The following ARNT variants were observed in gnomAD, a reference collection of about 807,000 sequenced individuals.
The protein encoded by ARNT is aryl hydrocarbon receptor nuclear translocator, also known as class E basic helix-loop-helix protein 2.
Under a neutral mutation model 105.0 loss-of-function variants are expected in ARNT, and 30 were observed. The ratio of observed to expected loss-of-function variants is 0.29; its 90% CI spans 0.21 to 0.39. The LOEUF is 0.39. ARNT is among the 10% of genes least tolerant of loss of function. The probability of loss-of-function intolerance (pLI) is 1.00; values close to 1 mark genes in which losing one functional copy is unlikely to be tolerated. For missense variants in ARNT, 748 were observed against 978.7 expected (o/e 0.76, Z 3.15); for synonymous variants, 304 against 344.0 (o/e 0.88, Z 1.29).
intron 6 of ARNT, 183 bp downstream of exon 6, chr1:150,839,258 T>G: frequency 1.6e-6 from 1 of 621,268 alleles, no homozygotes; most frequent in South Asian, 2.0e-5. Context: ...TATTAAATAG[T>G]TTTCACAACT....
At chr1:150,816,147 A>AC (rs1279873038) in intron 19 of ARNT, 112 bp downstream of exon 19, 1 of 1,333,646 alleles carries the variant, frequency 7.5e-7, no homozygotes, top group Non-Finnish European at 1.0e-6. Flanking sequence ...AAACCGGAGA[A>AC]CAGGGGTTGG....
At chr1:150,859,597 T>C (rs1452408012) in intron 1 of ARNT, among the ~76,000 whole-genome samples, 1 of 151,392 alleles carries the variant, frequency 6.6e-6, no homozygotes, top group Non-Finnish European at 1.5e-5. Context: ...GCTCAAGCAA[T>C]ACTCCCACCT....
chr1:150,863,040 G>A (rs1343811856), intron 1 of ARNT, among the ~76,000 whole-genome samples: 2 of 134,886 alleles, frequency 1.5e-5, no homozygotes, highest in Non-Finnish European at 3.1e-5. Flanking sequence ...GACAGAGCAA[G>A]ATTCCGTCTC....
In ARNT at chr1:150,814,089, C is replaced by G. The variant is rs1211651387; in HGVS notation, c.2101G>C (p.Gly701Arg). 6.2e-7 allele frequency: 1 copy of G among 1,613,932 alleles called. No individual in the cohort carries two copies. Among genetic ancestry groups the G allele is most frequent in the Admixed American group, 1.7e-5 (1 of 59,980 alleles). ...AAAYPSLTNRGSNFAPETGQT... is the reference protein window; with the variant it reads ...AAAYPSLTNRRSNFAPETGQT... ...GGTCTGGACTCACCAAAGTTAGATC[C>G]ACGATTGGTGAGACTAGGGTAGGCA... The change falls in exon 20 of 22, where the codon GGA becomes CGA. Residue 701 changes from glycine (G) to arginine (R), a missense_variant. By Grantham distance (125) the Gly-to-Arg change is moderately radical. Around this residue, in one of 4 missense-constraint regions of ARNT, gnomAD observed 360 missense variants for 411.9 expected, o/e 0.87. Coordinates refer to ENST00000358595, the MANE Select transcript of ARNT (RefSeq NM_001668.4).
intron 4 of ARNT, among the ~76,000 whole-genome samples, chr1:150,842,792 A>AT (rs1661521038): frequency 6.6e-6 from 1 of 152,200 alleles, no homozygotes; most frequent in Non-Finnish European, 1.5e-5. Flanking sequence ...CACAGAAAGC[A>AT]TTTTGCCAAT....
At chr1:150,866,269 C>A (rs1178309339) in intron 1 of ARNT, among the ~76,000 whole-genome samples, 4 of 43,180 alleles carry the variant, frequency 9.3e-5, no homozygotes, top group Non-Finnish European at 2.4e-4. Context: ...AGGCGTGAGC[C>A]ACCAAGGTCA....
rs587685702 is a variant in ARNT at position 150,851,103 on chromosome 1, G to A, written c.182+1659C>T. 3.7e-3 allele frequency among the ~76,000 whole-genome samples: 562 copies of A among 151,484 alleles called. 7 individuals carry two copies. Among genetic ancestry groups the A allele is most frequent in the African/African-American group, 0.012 (516 of 41,296 alleles). ...CCTCCGCCCCGCAGCCGCCCCGTCC[G>A]GGAAGTGAGGAGCATCTCCGCCCGG... On this transcript the variant is annotated intron_variant, in intron 3 of 21. Transcript: ENST00000358595.
chr1:150,851,203 AG>A (rs1410229307), intron 3 of ARNT, among the ~76,000 whole-genome samples: 1 of 133,466 alleles, frequency 7.5e-6, no homozygotes, highest in East Asian at 2.4e-4. Context: ...GGCGGGGGCC[AG>A]CCCCCGCCCG....
At chr1:150,836,547 T>G (rs1199631136) in intron 6 of ARNT, 54 bp from the exon 7 acceptor site, 3 of 1,540,226 alleles carry the variant, frequency 1.9e-6, no homozygotes, top group Non-Finnish European at 2.6e-6. Context: ...AAACAAGTAT[T>G]TCTATTCACA....
rs587736271 is a variant in ARNT at position 150,871,813 on chromosome 1, C to T, written c.25+4730G>A. On this transcript the variant is annotated intron_variant, in intron 1 of 21. Coordinates refer to ENST00000358595, the MANE Select transcript of ARNT (RefSeq NM_001668.4). ...ATCCCAGCTACTCGGGAGGCTGAGG[C>T]GGGAGAATAGCTTGAACCCAGGAGG... 2.0e-4 allele frequency among the ~76,000 whole-genome samples: 27 copies of T among 131,856 alleles called. 1 individual carries two copies. The South Asian group carries it at 6.3e-3, about 31-fold the overall frequency. The allele number at this position is 131,856 out of a possible 152,430, so 86.5% of individuals were successfully genotyped here.
chr1:150,870,984 T>C (rs944336731), intron 1 of ARNT, among the ~76,000 whole-genome samples: 26 of 152,006 alleles, frequency 1.7e-4, no homozygotes, highest in African/African-American at 5.5e-4. Flanking sequence ...CGGGGCAATA[T>C]AGTGAGACCC....
intron 1 of ARNT, among the ~76,000 whole-genome samples, chr1:150,869,588 C>A (rs1667145365): frequency 6.6e-6 from 1 of 150,846 alleles, no homozygotes; most frequent in African/African-American, 2.4e-5. Flanking sequence ...CTCTGTCAAC[C>A]AGATTAGAGT....
At chr1:150,859,895 T>C (rs1665298767) in intron 1 of ARNT, among the ~76,000 whole-genome samples, 1 of 151,796 alleles carries the variant, frequency 6.6e-6, no homozygotes, top group Non-Finnish European at 1.5e-5. Flanking sequence ...TAGTCCCAGC[T>C]ACTCAAGAGG....
chr1:150,821,825 T>C (rs1657146328), intron 14 of ARNT, among the ~76,000 whole-genome samples: 1 of 126,356 alleles, frequency 7.9e-6, no homozygotes, highest in African/African-American at 3.0e-5. Context: ...ATTTTTGTAT[T>C]TTCTTTTTTT....
intron 3 of ARNT, among the ~76,000 whole-genome samples, chr1:150,851,869 AT>A (rs2102181775): frequency 6.6e-6 from 1 of 152,122 alleles, no homozygotes; most frequent in East Asian, 1.9e-4. Context: ...AAGAAAATTA[AT>A]AAAAAATAAA....
At chr1:150,832,601 C>T (rs587748918) in intron 8 of ARNT, among the ~76,000 whole-genome samples, 2 of 152,300 alleles carry the variant, frequency 1.3e-5, no homozygotes, top group African/African-American at 4.8e-5. Context: ...ATATGTTCTT[C>T]ATATGCAAAC....
chr1:150,876,207 G>A (rs1012426240), intron 1 of ARNT, among the ~76,000 whole-genome samples: 2 of 152,226 alleles, frequency 1.3e-5, no homozygotes, highest in African/African-American at 4.8e-5. Context: ...GCTCCAGCGG[G>A]CAGAGGGTTA....
chr1:150,836,773 G>A (rs10305694), intron 6 of ARNT, among the ~76,000 whole-genome samples: 1,920 of 152,312 alleles, frequency 0.013, 32 homozygotes, highest in African/African-American at 0.043. Context: ...TAGGCACAGC[G>A]GCTCCCGCCG....
At chr1:150,832,262 A>C in intron 9 of ARNT, 72 bp downstream of exon 9, 4 of 1,517,238 alleles carry the variant, frequency 2.6e-6, no homozygotes, top group Non-Finnish European at 3.7e-6. Flanking sequence ...GACTACAGTA[A>C]GACAGGTAAA....
Sources: gnomAD v4.1 joint callset for allele counts (sites outside exome capture counted in the v4.1 genomes callset) on GRCh38, gnomAD v4.1.1 for gene constraint, gnomAD v4.1.1 regional missense constraint, MANE v1.5 for transcripts, NCBI Gene and HGNC (gene_info 2026-07-23, HGNC 2026-07-21) for gene names.